The following TJP2 variants were observed in gnomAD, a reference collection of about 807,000 sequenced individuals.
TJP2 encodes the protein Friedreich ataxia region gene X104 (tight junction protein ZO-2).
In TJP2, 91 loss-of-function variants were observed where a neutral mutation model predicts 133.1. The ratio of observed to expected loss-of-function variants is 0.68; its 90% CI spans 0.58 to 0.81. The LOEUF (loss-of-function observed/expected upper bound fraction) is 0.81, where lower values mean the gene tolerates loss of function less well. Among genes scored for constraint, TJP2 ranks in the 40% least tolerant of loss-of-function variants. TJP2 has a pLI of 0.00. For missense variants in TJP2, 1,541 were observed against 1,565.6 expected (o/e 0.98, Z 0.26); for synonymous variants, 592 against 583.4 (o/e 1.01, Z -0.21).
rs1321657588 is a variant in TJP2, at chr9:69,237,100, A to G, written c.2143A>G (p.Lys715Glu). Residue 715 changes from lysine (K) to glutamate (E), a missense_variant, in exon 14 of 23, where the codon AAG becomes GAG. Physicochemically the swap from Lys to Glu is moderately conservative, Grantham distance 56 (BLOSUM62 1). Coordinates refer to ENST00000377245, the MANE Select transcript of TJP2 (RefSeq NM_004817.4). ...CACAGCTGTTGTGTCTGTCAGCACC[A>G]AGTTCCCAGCTTATGAGAGGGTTTT... ...DLTAVVSVST[K>E]FPAYERVLLR... 1 of 1,613,992 alleles carries G rather than the reference A, an allele frequency of 6.2e-7. No homozygotes were observed. Among genetic ancestry groups the G allele is most frequent in the Non-Finnish European group, 8.5e-7 (1 of 1,180,024 alleles).
rs1344829025 is a variant in TJP2, at chr9:69,186,929, TCA to T, written c.60+12499_60+12500del. Among the ~76,000 whole-genome samples the T allele has an allele frequency of 3.3e-5, 5 of 152,266 alleles. No homozygotes were observed. The South Asian group carries it at 1.0e-3, about 32-fold the overall frequency. ...CTCCCCACAATCAGGAATTTGTTAG[TCA>T]CCTGGTTTTTAAAGATAAATTTCTC... On this transcript the variant is annotated intron_variant, in intron 1 of 22. Coordinates refer to ENST00000377245, the MANE Select transcript of TJP2 (RefSeq NM_004817.4).
rs952567969 is a variant in TJP2, at chr9:69,254,550, G to A, written c.*176G>A. The A allele has an allele frequency of 3.7e-6, 3 of 802,880 alleles. No individual in the cohort carries two copies. Among genetic ancestry groups the A allele is most frequent in the African/African-American group, 3.4e-5 (2 of 58,978 alleles). 49.7% of individuals were successfully genotyped at this position (802,880 alleles called of 1,614,324 possible). On this transcript the variant is annotated 3_prime_UTR_variant, in exon 23 of 23. Transcript: ENST00000377245. ...ACAGCTGGTGCAAATTCAGAACTGA[G>A]GGCTCTGTTTGTGGGACTGGGTTAG... is the stretch of plus-strand genomic sequence containing the variant.
In TJP2 at chr9:69,255,045, C is replaced by T; in HGVS notation, c.*671C>T. On this transcript the variant is annotated 3_prime_UTR_variant, in exon 23 of 23. Coordinates refer to ENST00000377245, the MANE Select transcript of TJP2 (RefSeq NM_004817.4). ...ACTTGATAGTTTGGCTATAAGTGCT[C>T]AATAGCTTGAAGCCCAAGAAGTTGG... The T allele has an allele frequency of 6.3e-6, 1 of 159,134 alleles. No individual in the cohort carries two copies. The highest frequency in any genetic ancestry group is 1.4e-5 in the Non-Finnish European group (1 of 72,892). 9.9% of individuals were successfully genotyped at this position (159,134 alleles called of 1,614,324 possible). A position where few individuals can be genotyped will look rare whatever the true frequency, so the allele number is the denominator to read the frequency against.
chr9:69,249,602 C>T (rs1212074207), intron 20 of TJP2, 117 bp downstream of exon 20: 9 of 1,542,406 alleles, frequency 5.8e-6, no homozygotes, highest in Non-Finnish European at 7.9e-6. Flanking sequence ...GGTTCTGACT[C>T]ACTGTGTTCT....
intron 1 of TJP2, among the ~76,000 whole-genome samples, chr9:69,176,059 G>C (rs1255535850): frequency 6.6e-6 from 1 of 152,156 alleles, no homozygotes; most frequent in East Asian, 1.9e-4. Context: ...AATCTGTGTC[G>C]GGATTCCTGA....
chr9:69,248,605 C>T, intron 19 of TJP2: 6 of 1,147,624 alleles, frequency 5.2e-6, no homozygotes, highest in Non-Finnish European at 6.4e-6. Context: ...CCTTGCTTTT[C>T]TTCCCCATCC....
chr9:69,175,067 G>C (rs1445777557), intron 1 of TJP2, among the ~76,000 whole-genome samples: 1 of 152,162 alleles, frequency 6.6e-6, no homozygotes, highest in East Asian at 1.9e-4. Flanking sequence ...TTACACGGTA[G>C]TTTAAGTTAT....
Position 69,212,620 on chromosome 9 carries a change from A to T in TJP2, c.114+19A>T. 1.9e-6 allele frequency: 3 copies of T among 1,585,498 alleles called. No individual in the cohort carries two copies. In the South Asian group the frequency reaches 3.3e-5, roughly 18 times the overall value. On this transcript the variant is annotated intron_variant, in intron 2 of 22. Transcript: ENST00000377245. ...ACAAAAGGTGAGTTCTGCACATTTC[A>T]TATATTCTACAGTCATGTTCTTGAT... is the stretch of plus-strand genomic sequence containing the variant.
rs139392847 is a variant in TJP2, at chr9:69,237,804, A to G, written c.2180-74A>G. On this transcript the variant is annotated intron_variant, in intron 14 of 22. Coordinates refer to ENST00000377245, the MANE Select transcript of TJP2 (RefSeq NM_004817.4). Reference sequence around the variant, plus strand: ...CGTTTAGTTATGTTATCAAAAGCCCATACAATACTTTTACTGCTTATCATA... The same window carrying G: ...CGTTTAGTTATGTTATCAAAAGCCCGTACAATACTTTTACTGCTTATCATA... 64 of 1,066,614 alleles carry G rather than the reference A, an allele frequency of 6.0e-5. No individual in the cohort carries two copies. The African/African-American group carries it at 8.2e-4, about 14-fold the overall frequency. 66.1% of individuals were successfully genotyped at this position (1,066,614 alleles called of 1,614,324 possible). A position where few individuals can be genotyped will look rare whatever the true frequency, so the allele number is the denominator to read the frequency against.
chr9:69,239,856 C>A, intron 16 of TJP2, 81 bp from the exon 17 acceptor site: 2 of 1,105,938 alleles, frequency 1.8e-6, no homozygotes, highest in Non-Finnish European at 2.7e-6. Context: ...TCTCATACAG[C>A]CTTTACTTAT....
At chr9:69,152,371 CTGTT>C (rs1207325435) in intron 2 of TJP2, among the ~76,000 whole-genome samples, 1 of 152,156 alleles carries the variant, frequency 6.6e-6, no homozygotes, top group Non-Finnish European at 1.5e-5. Context: ...ACTTTGACCT[CTGTT>C]TATAGGCCAG....
chr9:69,210,454 G>T (rs747149788), intron 1 of TJP2, among the ~76,000 whole-genome samples: 25 of 152,282 alleles, frequency 1.6e-4, no homozygotes, highest in Middle Eastern at 6.8e-3. Flanking sequence ...GGACAAAGAT[G>T]AGTAGGATAC....
intron 1 of TJP2, among the ~76,000 whole-genome samples, chr9:69,189,311 T>G (rs573235939): frequency 6.6e-6 from 1 of 152,212 alleles, no homozygotes; most frequent in Non-Finnish European, 1.5e-5. Context: ...TTTGCTTCTT[T>G]CCTGTTTCTC....
Position 69,254,196 on chromosome 9 carries a change from CT to C in TJP2, c.3408-6del, listed in dbSNP as rs778863371. 8.1e-6 allele frequency: 13 copies of C among 1,614,010 alleles called. No homozygotes were observed. In the Admixed American group the frequency reaches 2.0e-4, roughly 25 times the overall value. ...TGTGCTCTGGAATGTCTTTAACACC[CT>C]TTTTTTGTTAGTTCCAGACCCCCTG... is the stretch of plus-strand genomic sequence containing the variant. On this transcript the variant is annotated splice_polypyrimidine_tract_variant and intron_variant, in intron 22 of 22. Transcript: ENST00000377245.
chr9:69,250,395 C>T (rs569054535), intron 20 of TJP2, among the ~76,000 whole-genome samples: 2 of 152,276 alleles, frequency 1.3e-5, no homozygotes, highest in Admixed American at 6.5e-5. Context: ...TGAGCCACTG[C>T]GCCCAGCCTA....
chr9:69,198,141 CTTTTT>C (rs5898062), intron 1 of TJP2, among the ~76,000 whole-genome samples: 2 of 96,354 alleles, frequency 2.1e-5, no homozygotes, highest in East Asian at 3.3e-4. Context: ...TTTCCCAATT[CTTTTT>C]TTTTTTTTTT....
intron 2 of TJP2, among the ~76,000 whole-genome samples, chr9:69,154,606 T>C (rs980929211): frequency 1.3e-5 from 2 of 148,756 alleles, no homozygotes; most frequent in Non-Finnish European, 1.5e-5. Context: ...CTGGGCGACA[T>C]AGACCGACCC....
chr9:69,203,639 G>T (rs1191223935), intron 1 of TJP2, among the ~76,000 whole-genome samples: 10 of 66,230 alleles, frequency 1.5e-4, no homozygotes. Context: ...TTTGAGACAG[G>T]GTCTCGCTCT....
chr9:69,213,220 C>A (rs35464930), intron 2 of TJP2, among the ~76,000 whole-genome samples: 2,717 of 152,086 alleles, frequency 0.018, 82 homozygotes, highest in African/African-American at 0.062. Flanking sequence ...CCTATCACCA[C>A]GCCCGGCTAA....
Sources: allele counts gnomAD v4.1 joint callset (sites outside exome capture counted in the v4.1 genomes callset), GRCh38; gene constraint gnomAD v4.1.1; transcripts MANE v1.5; gene names NCBI Gene and HGNC (gene_info 2026-07-23, HGNC 2026-07-21).